Variants in KAT6A observed in about 807,000 individuals in gnomAD.
KAT6A encodes histone acetyltransferase KAT6A.
KAT6A carries 9 observed loss-of-function variants against 198.4 expected under a neutral mutation model. The observed-to-expected ratio is 0.05, with a 90% CI of 0.03 to 0.08. The LOEUF is 0.08. Ranked by LOEUF, KAT6A falls within the 10% of genes least tolerant of loss-of-function variation. KAT6A has a pLI of 1.00. For missense variants in KAT6A, 2,077 were observed against 2,509.9 expected (o/e 0.83, Z 3.69); for synonymous variants, 890 against 883.0 (o/e 1.01, Z -0.14).
In KAT6A at chr8:42,029,568, TG is replaced by T. The variant is rs1413062231; in HGVS notation, c.600+18809del. 4.6e-5 allele frequency among the ~76,000 whole-genome samples: 7 copies of T among 150,798 alleles called. No individual in the cohort carries two copies. The South Asian group carries it at 6.2e-4, about 13-fold the overall frequency. On this transcript the variant is annotated intron_variant, in intron 2 of 16. Coordinates refer to ENST00000265713, the MANE Select transcript of KAT6A (RefSeq NM_006766.5). ...AGCACTCACAGTTGTAGTTTTTTTT[TG>T]TTTTTTTTTTTTTGAAACAGGTTCT... is the stretch of plus-strand genomic sequence containing the variant.
rs938937411 is a variant in KAT6A, at chr8:41,976,951, C to T, written c.1363+57G>A. On this transcript the variant is annotated intron_variant, in intron 7 of 16. Transcript: ENST00000265713. ...ATCCATTATAGATAATTAGTGTTAT[C>T]CCGAATAATACATGTACAGAATACT... 9.0e-6 allele frequency: 12 copies of T among 1,330,766 alleles called. No individual in the cohort carries two copies. The South Asian group carries it at 1.0e-4, about 11-fold the overall frequency. The allele number at this position is 1,330,766 out of a possible 1,614,324, so 82.4% of individuals were successfully genotyped here.
In KAT6A at chr8:42,048,554, C is replaced by T; in HGVS notation, c.424G>A (p.Gly142Ser). Residue 142 changes from glycine (G) to serine (S), a missense_variant, in exon 2 of 17, where the codon GGC becomes AGC. Gly to Ser is a moderately conservative substitution (Grantham distance 56). Transcript: ENST00000265713. The stretch of plus-strand genomic sequence containing the variant: ...GCCAATCGTAACTGCTGGTGAAAGC[C>T]AGAGGCAGCACTGCCTCCGAATAAT... ...SALFGGSAAS[G>S]FHQQLRLAIK... is the part of the protein sequence containing the mutation. 6.2e-7 allele frequency: 1 copy of T among 1,614,214 alleles called. No homozygotes were observed. Among genetic ancestry groups the T allele is most frequent in the South Asian group, 1.1e-5 (1 of 91,090 alleles).
intron 2 of KAT6A, among the ~76,000 whole-genome samples, chr8:41,998,900 T>C (rs1014653711): frequency 1.3e-5 from 2 of 152,142 alleles, no homozygotes; most frequent in African/African-American, 4.8e-5. Flanking sequence ...CCATTACTTA[T>C]AGTATATAAC....
At chr8:41,945,490 T>C (rs1424204809) in intron 12 of KAT6A, among the ~76,000 whole-genome samples, 3 of 152,004 alleles carry the variant, frequency 2.0e-5, no homozygotes, top group Non-Finnish European at 4.4e-5. Flanking sequence ...CAGGCTGGTC[T>C]CAAACTCCCG....
At chr8:41,978,047 G>GC (rs1824152503) in intron 6 of KAT6A, among the ~76,000 whole-genome samples, 1 of 152,138 alleles carries the variant, frequency 6.6e-6, no homozygotes, top group Admixed American at 6.6e-5. Flanking sequence ...ACTGAATCTT[G>GC]CCCCACCTCC....
At chr8:42,028,494 T>C (rs1564075353) in intron 2 of KAT6A, among the ~76,000 whole-genome samples, 2 of 152,244 alleles carry the variant, frequency 1.3e-5, no homozygotes, top group Non-Finnish European at 2.9e-5. Flanking sequence ...TGACCCATGT[T>C]ATCTCTTTTT....
chr8:42,041,831 TA>T (rs1406190160), intron 2 of KAT6A, among the ~76,000 whole-genome samples: 6 of 152,128 alleles, frequency 3.9e-5, no homozygotes, highest in Admixed American at 3.3e-4. Flanking sequence ...CACTTGATAA[TA>T]GCTACATTTT....
chr8:42,049,206 T>C lies in KAT6A; in HGVS notation c.-229A>G, dbSNP rs1802472380. Reference sequence around the variant, plus strand: ...AATGTCTTCCAACTTCCCAATGAATTTCTCAATAGCACCACACATGGGTCT... The same window carrying C: ...AATGTCTTCCAACTTCCCAATGAATCTCTCAATAGCACCACACATGGGTCT... On this transcript the variant is annotated 5_prime_UTR_variant, in exon 2 of 17. Transcript: ENST00000265713. The C allele has an allele frequency of 1.2e-5, 6 of 509,980 alleles. No individual in the cohort carries two copies. Among genetic ancestry groups the C allele is most frequent in the Non-Finnish European group, 1.7e-5 (5 of 290,710 alleles). 31.6% of individuals were successfully genotyped at this position (509,980 alleles called of 1,614,324 possible).
intron 12 of KAT6A, 72 bp downstream of exon 12, chr8:41,946,491 TATACACACACACACACACACACACACAC>T (rs1822397735): frequency 2.6e-5 from 12 of 464,116 alleles, no homozygotes; most frequent in African/African-American, 1.6e-4. Flanking sequence ...AATATATATA[TATACACACACACACACACACACACACAC>T]ACACACACAC....
chr8:41,976,443 T>C (rs759656807), intron 7 of KAT6A, among the ~76,000 whole-genome samples: 2 of 152,210 alleles, frequency 1.3e-5, no homozygotes, highest in African/African-American at 2.4e-5. Context: ...CTTTGAAAAT[T>C]AGGGAACTTA....
chr8:41,995,969 C>A (rs188045411), intron 2 of KAT6A, among the ~76,000 whole-genome samples: 2 of 152,142 alleles, frequency 1.3e-5, no homozygotes, highest in Non-Finnish European at 2.9e-5. Context: ...AGCCACCACG[C>A]CCGGTCCCAA....
intron 3 of KAT6A, among the ~76,000 whole-genome samples, chr8:41,986,553 G>GA (rs1278020159): frequency 1.3e-5 from 2 of 151,424 alleles, no homozygotes; most frequent in Non-Finnish European, 2.9e-5. Flanking sequence ...AGACCAAGAG[G>GA]AAAAAATAAA....
At chr8:41,996,615 G>A (rs1008381012) in intron 2 of KAT6A, among the ~76,000 whole-genome samples, 3 of 152,230 alleles carry the variant, frequency 2.0e-5, no homozygotes, top group African/African-American at 7.2e-5. Context: ...TGTTATCAGG[G>A]GAGTGGGCTA....
chr8:41,933,231 C>A lies in KAT6A; in HGVS notation c.4989G>T (p.Pro1663=). ...GCTGTGGTGCTGGTTGTGGTTGTGGCGGCGGCGGCTGTGGCTGCTGTGGAG... is the reference window on the plus strand; with the variant it reads ...GCTGTGGTGCTGGTTGTGGTTGTGGAGGCGGCGGCTGTGGCTGCTGTGGAG... ...PPPPQQPQPP[P]PQPQPAPQPP... is the part of the protein sequence containing the mutation. The change falls in exon 17 of 17, where the codon CCG becomes CCT. Residue 1663 remains proline, a synonymous_variant. Coordinates refer to ENST00000265713, the MANE Select transcript of KAT6A (RefSeq NM_006766.5). This position sits in a 1 kb window ranked among gnomAD's most constrained non-coding sequence, Gnocchi z 6.2. 2 of 1,545,126 alleles carry A rather than the reference C, an allele frequency of 1.3e-6. No homozygotes were observed. Among genetic ancestry groups the A allele is most frequent in the South Asian group, 1.2e-5 (1 of 84,630 alleles).
chr8:42,045,842 A>T (rs1027320210), intron 2 of KAT6A, among the ~76,000 whole-genome samples: 10 of 148,038 alleles, frequency 6.8e-5, no homozygotes, highest in Admixed American at 4.1e-4. Context: ...AAAAGTAGCC[A>T]CACGTGGTGG....
intron 2 of KAT6A, among the ~76,000 whole-genome samples, chr8:42,018,634 T>C (rs1223570974): frequency 2.0e-5 from 3 of 152,118 alleles, no homozygotes; most frequent in South Asian, 2.1e-4. Context: ...TAAAAACACA[T>C]AGAACAGGCT....
intron 2 of KAT6A, among the ~76,000 whole-genome samples, chr8:42,028,655 A>G (rs1283594462): frequency 6.6e-6 from 1 of 152,186 alleles, no homozygotes; most frequent in Non-Finnish European, 1.5e-5. Flanking sequence ...TAGGCAGTAT[A>G]TAATTGGGTC....
intron 2 of KAT6A, among the ~76,000 whole-genome samples, chr8:42,000,756 G>A (rs368494512): frequency 6.6e-6 from 1 of 152,224 alleles, no homozygotes; most frequent in East Asian, 1.9e-4. Context: ...ATATCTGATA[G>A]AATGCAAGGT....
intron 8 of KAT6A, among the ~76,000 whole-genome samples, chr8:41,960,040 A>G (rs754473538): frequency 7.4e-4 from 113 of 152,212 alleles, no homozygotes; most frequent in Non-Finnish European, 1.3e-3. Flanking sequence ...ATGCTAAGTG[A>G]AACAGCCAGA....
Sources: gnomAD v4.1 joint callset for allele counts (sites outside exome capture counted in the v4.1 genomes callset) on GRCh38, gnomAD v4.1.1 for gene constraint, Gnocchi (gnomAD v3.1) non-coding constraint, MANE v1.5 for transcripts, NCBI Gene and HGNC (gene_info 2026-07-23, HGNC 2026-07-21) for gene names.